Variants in TTLL11 observed in about 807,000 individuals in gnomAD.
TTLL11 encodes the protein tubulin polyglutamylase TTLL11.
Under a neutral mutation model 51.7 loss-of-function variants are expected in TTLL11, and 42 were observed. The observed-to-expected ratio is 0.81, with a 90% CI of 0.64 to 1.05. The LOEUF (loss-of-function observed/expected upper bound fraction) is 1.05. Ranked by LOEUF, TTLL11 falls within the 50% of genes least tolerant of loss-of-function variation. The pLI is 0.00. For missense variants in TTLL11, 799 were observed against 940.4 expected, an observed-to-expected ratio of 0.85 and a Z score of 1.97; for synonymous variants, 381 against 383.5, an observed-to-expected ratio of 0.99 and a Z score of 0.08.
intron 1 of TTLL11, among the ~76,000 whole-genome samples, chr9:122,067,482 TGAGAA>T (rs1353272020): frequency 2.6e-5 from 4 of 152,174 alleles, no homozygotes; most frequent in African/African-American, 9.7e-5. Context: ...CAAGGCACCA[TGAGAA>T]GAGGATACAA....
chr9:121,869,078 G>T (rs1838264438), intron 7 of TTLL11, among the ~76,000 whole-genome samples: 1 of 152,216 alleles, frequency 6.6e-6, no homozygotes, highest in Non-Finnish European at 1.5e-5. Flanking sequence ...TCTGAAGCCA[G>T]ACCTGTCTGA....
chr9:121,974,831 A>C, intron 5 of TTLL11, 53 bp downstream of exon 5: 1 of 1,273,156 alleles, frequency 7.9e-7, no homozygotes, highest in Non-Finnish European at 1.1e-6. Context: ...ACATGAGGGT[A>C]GGAATATTCA....
At chr9:121,972,427 C>T (rs544678587) in intron 6 of TTLL11, among the ~76,000 whole-genome samples, 1 of 152,332 alleles carries the variant, frequency 6.6e-6, no homozygotes, top group East Asian at 1.9e-4. Context: ...TGGCTGCCAT[C>T]GGGTCTGAGC....
chr9:122,019,534 C>T (rs1342649185), intron 3 of TTLL11, among the ~76,000 whole-genome samples: 2 of 152,188 alleles, frequency 1.3e-5, no homozygotes, highest in Non-Finnish European at 2.9e-5. Context: ...ACTGCAGCCT[C>T]GACCTCCTGG....
intron 8 of TTLL11, among the ~76,000 whole-genome samples, chr9:121,833,542 T>A (rs1039541228): frequency 2.0e-5 from 3 of 152,174 alleles, no homozygotes; most frequent in Non-Finnish European, 2.9e-5. Flanking sequence ...ATTTTTCTCA[T>A]CTACTTCTCA....
chr9:121,935,876 G>A (rs867321588), intron 6 of TTLL11, among the ~76,000 whole-genome samples: 7 of 152,162 alleles, frequency 4.6e-5, no homozygotes, highest in Non-Finnish European at 5.9e-5. Context: ...ACAGAGCCTC[G>A]CTCGGTGAAC....
At chr9:121,970,629 C>G (rs1452192402) in intron 6 of TTLL11, among the ~76,000 whole-genome samples, 1 of 152,162 alleles carries the variant, frequency 6.6e-6, no homozygotes, top group Non-Finnish European at 1.5e-5. Flanking sequence ...TAGAGAAATG[C>G]AAATCAAAAC....
At chr9:122,073,402 T>C (rs926824910) in intron 1 of TTLL11, among the ~76,000 whole-genome samples, 4 of 152,020 alleles carry the variant, frequency 2.6e-5, no homozygotes, top group African/African-American at 9.7e-5. Context: ...AAAGTGAGAC[T>C]CCATCTCAGA....
intron 3 of TTLL11, among the ~76,000 whole-genome samples, chr9:122,000,250 T>A (rs1843418427): frequency 6.6e-6 from 1 of 151,854 alleles, no homozygotes; most frequent in East Asian, 1.9e-4. Flanking sequence ...GGCAGGCGGA[T>A]CACGAGGTCA....
chr9:121,951,801 A>C (rs1841859392), intron 6 of TTLL11, among the ~76,000 whole-genome samples: 2 of 152,180 alleles, frequency 1.3e-5, no homozygotes, highest in Admixed American at 1.3e-4. Context: ...TACTCCATAG[A>C]ACAGCCCCGA....
intron 6 of TTLL11, among the ~76,000 whole-genome samples, chr9:121,918,289 T>C (rs1246253601): frequency 6.6e-6 from 1 of 152,146 alleles, no homozygotes; most frequent in African/African-American, 2.4e-5. Context: ...GGGTAGAGCA[T>C]TGACCAGAGA....
intron 6 of TTLL11, among the ~76,000 whole-genome samples, chr9:121,930,899 G>T (rs1362491880): frequency 2.6e-5 from 4 of 152,216 alleles, no homozygotes; most frequent in Non-Finnish European, 5.9e-5. Context: ...TAGTTATTAA[G>T]GTTGTAAGTA....
intron 8 of TTLL11, among the ~76,000 whole-genome samples, chr9:121,826,551 G>GTATATATATATATATATA (rs1836801712): frequency 2.8e-5 from 1 of 36,340 alleles, no homozygotes; most frequent in South Asian, 7.9e-4. Context: ...ATATATATAT[G>GTATATATATATATATATA]TGTGTGTATA....
intron 6 of TTLL11, among the ~76,000 whole-genome samples, chr9:121,922,760 A>AGTGTGT (rs71370699): frequency 0.05 from 7,370 of 147,302 alleles, 280 homozygotes; most frequent in African/African-American, 0.11. Flanking sequence ...ATATCTATTC[A>AGTGTGT]GTGTGTGTGT....
At chr9:121,851,894 C>T (rs1369714153) in intron 8 of TTLL11, among the ~76,000 whole-genome samples, 2 of 152,188 alleles carry the variant, frequency 1.3e-5, no homozygotes, top group Admixed American at 1.3e-4. Flanking sequence ...GTTGTTAACG[C>T]CAGGCTTAGC....
At chr9:121,875,662 T>C (rs1165934454) in intron 6 of TTLL11, among the ~76,000 whole-genome samples, 1 of 152,200 alleles carries the variant, frequency 6.6e-6, no homozygotes. Context: ...ATTCCAATTA[T>C]CATGTTGAGA....
At chr9:121,920,472 G>C (rs1840493896) in intron 6 of TTLL11, among the ~76,000 whole-genome samples, 1 of 152,138 alleles carries the variant, frequency 6.6e-6, no homozygotes, top group Non-Finnish European at 1.5e-5. Context: ...TATCTCTCTG[G>C]TAAACGATGA....
intron 8 of TTLL11, among the ~76,000 whole-genome samples, chr9:121,830,246 A>G (rs1035790673): frequency 2.6e-5 from 4 of 152,228 alleles, no homozygotes; most frequent in African/African-American, 9.6e-5. Flanking sequence ...TGAAACCGCA[A>G]TGATCCAGAC....
intron 1 of TTLL11, among the ~76,000 whole-genome samples, chr9:122,060,883 G>A (rs538445653): frequency 1.7e-3 from 252 of 152,318 alleles, no homozygotes; most frequent in African/African-American, 5.9e-3. Flanking sequence ...TGGGGTATGG[G>A]AGAAGATCAG....
Sources: gnomAD v4.1 joint callset for allele counts (sites outside exome capture counted in the v4.1 genomes callset) on GRCh38, gnomAD v4.1.1 for gene constraint, MANE v1.5 for transcripts, NCBI Gene and HGNC (gene_info 2026-07-23, HGNC 2026-07-21) for gene names.